TMCC1: variants seen among roughly 807,000 people sequenced by gnomAD.
TMCC1 encodes the protein transmembrane and coiled-coil domain family 1, also known as transmembrane and coiled-coil domains protein 1.
In TMCC1, 15 loss-of-function variants were observed where a neutral mutation model predicts 52.4. The ratio of observed to expected loss-of-function variants is 0.29; its 90% CI spans 0.19 to 0.44. TMCC1 has a LOEUF of 0.44. Among genes scored for constraint, TMCC1 ranks in the 20% least tolerant of loss-of-function variants. TMCC1 has a pLI of 1.00. For synonymous variants in TMCC1, 279 were observed against 301.9 expected, an observed-to-expected ratio of 0.92 and a Z score of 0.79; for missense variants, 503 against 806.0, an observed-to-expected ratio of 0.62 and a Z score of 4.55.
At chr3:129,802,792 A>T (rs1051842762) in intron 4 of TMCC1, among the ~76,000 whole-genome samples, 2 of 152,254 alleles carry the variant, frequency 1.3e-5, no homozygotes, top group African/African-American at 2.4e-5. Flanking sequence ...TTCAGGACAC[A>T]CTATTCCAAT....
intron 2 of TMCC1, among the ~76,000 whole-genome samples, chr3:129,868,590 C>T (rs947591066): frequency 1.3e-5 from 2 of 152,202 alleles, no homozygotes; most frequent in African/African-American, 4.8e-5. Context: ...AGGTGCACAC[C>T]ATCATGCCCA....
intron 1 of TMCC1, among the ~76,000 whole-genome samples, chr3:129,882,272 AAAT>A (rs2061493351): frequency 6.6e-6 from 1 of 152,092 alleles, no homozygotes; most frequent in Admixed American, 6.6e-5. Flanking sequence ...TCAATATCAC[AAAT>A]AATTAGGGAA....
At chr3:129,748,638 A>G (rs1049610018) in intron 4 of TMCC1, among the ~76,000 whole-genome samples, 1 of 152,100 alleles carries the variant, frequency 6.6e-6, no homozygotes, top group African/African-American at 2.4e-5. Context: ...TTTAGGTACA[A>G]CTTCATAAAA....
intron 2 of TMCC1, among the ~76,000 whole-genome samples, chr3:129,844,293 A>T (rs1024221679): frequency 6.6e-6 from 1 of 152,210 alleles, no homozygotes; most frequent in African/African-American, 2.4e-5. Context: ...AGAAGGAATA[A>T]TATTATAGGT....
chr3:129,815,671 C>T (rs1310682673), intron 4 of TMCC1, among the ~76,000 whole-genome samples: 2 of 152,144 alleles, frequency 1.3e-5, no homozygotes, highest in Non-Finnish European at 2.9e-5. Context: ...GGAAATGCTA[C>T]AGGACATTGG....
chr3:129,849,497 G>C (rs947907820), intron 2 of TMCC1, among the ~76,000 whole-genome samples: 4 of 147,032 alleles, frequency 2.7e-5, no homozygotes, highest in African/African-American at 1.0e-4. Context: ...AGGCACGGTG[G>C]CTCACGCCTG....
intron 4 of TMCC1, among the ~76,000 whole-genome samples, chr3:129,816,090 A>G (rs926877399): frequency 6.6e-6 from 1 of 152,176 alleles, no homozygotes; most frequent in East Asian, 1.9e-4. Flanking sequence ...AGGGAATAAC[A>G]TGCTGGGGAG....
At chr3:129,690,486 A>G (rs760430945) in intron 4 of TMCC1, among the ~76,000 whole-genome samples, 6 of 152,188 alleles carry the variant, frequency 3.9e-5, no homozygotes, top group Non-Finnish European at 7.4e-5. Flanking sequence ...GCACTCACTG[A>G]TATTTCCAGT....
At chr3:129,837,581 G>C (rs965428176) in intron 2 of TMCC1, among the ~76,000 whole-genome samples, 2 of 152,168 alleles carry the variant, frequency 1.3e-5, no homozygotes, top group Non-Finnish European at 2.9e-5. Flanking sequence ...ATATACCTCA[G>C]TATCTCCTGT....
At chr3:129,815,921 G>A (rs2058073370) in intron 4 of TMCC1, among the ~76,000 whole-genome samples, 2 of 151,974 alleles carry the variant, frequency 1.3e-5, no homozygotes, top group Non-Finnish European at 2.9e-5. Flanking sequence ...TTTTATAATG[G>A]GCAAAAGATC....
chr3:129,804,992 G>A (rs2057383695), intron 4 of TMCC1, among the ~76,000 whole-genome samples: 1 of 151,976 alleles, frequency 6.6e-6, no homozygotes, highest in Non-Finnish European at 1.5e-5. Context: ...CCACTTTTGT[G>A]AGCCAAAAAC....
chr3:129,785,067 A>G (rs1191307474), intron 4 of TMCC1, among the ~76,000 whole-genome samples: 3 of 152,190 alleles, frequency 2.0e-5, no homozygotes, highest in Admixed American at 2.0e-4. Context: ...AAGTAATCCA[A>G]TACAAATATT....
At chr3:129,688,773 C>T in intron 4 of TMCC1, 1 of 983,172 alleles carries the variant, frequency 1.0e-6, no homozygotes, top group Non-Finnish European at 1.2e-6. Context: ...CAGACAGTAT[C>T]TGCCTCTCTT....
At chr3:129,853,615 T>C (rs180992052) in intron 2 of TMCC1, among the ~76,000 whole-genome samples, 38 of 138,500 alleles carry the variant, frequency 2.7e-4, no homozygotes, top group Non-Finnish European at 4.9e-4. Flanking sequence ...GGCAACAGAG[T>C]GAATATGCAC....
rs5852580 is a variant in TMCC1 at position 129,849,899 on chromosome 3, C to CT, written c.-183-17074dup. Among the ~76,000 whole-genome samples, 434 of 149,774 alleles carry CT rather than the reference C, an allele frequency of 2.9e-3. 2 individuals are homozygous for CT. The highest frequency in any genetic ancestry group is 9.9e-3 in the African/African-American group (402 of 40,436). ...TAATTCAAGATTATAAATTATATTT[C>CT]TTTTTTTTTTTACTTTTTGTGCATA... On this transcript the variant is annotated intron_variant, in intron 2 of 6. Transcript: ENST00000393238.
intron 4 of TMCC1, among the ~76,000 whole-genome samples, chr3:129,805,790 A>G (rs2057427282): frequency 6.6e-6 from 1 of 151,694 alleles, no homozygotes; most frequent in Non-Finnish European, 1.5e-5. Context: ...TAAAAATAAT[A>G]GCTGGGTGTG....
At chr3:129,668,842 C>T (rs2087683329) in intron 5 of TMCC1, among the ~76,000 whole-genome samples, 1 of 152,192 alleles carries the variant, frequency 6.6e-6, no homozygotes, top group Non-Finnish European at 1.5e-5. Flanking sequence ...TCAGGCTGGT[C>T]TCAAGCTTCT....
intron 1 of TMCC1, among the ~76,000 whole-genome samples, chr3:129,882,751 T>TTA (rs1478573009): frequency 6.6e-6 from 1 of 152,200 alleles, no homozygotes; most frequent in East Asian, 1.9e-4. Context: ...GACATTATAT[T>TTA]AAGTGACAGG....
chr3:129,726,868 CAAAAAAAAAAAA>C (rs550398948), intron 4 of TMCC1, among the ~76,000 whole-genome samples: 149 of 12,822 alleles, frequency 0.012, 3 homozygotes, highest in Middle Eastern at 0.12. Flanking sequence ...GACTCTGTCT[CAAAAAAAAAAAA>C]AAAAAAAAAA....
Sources: gnomAD v4.1 joint callset for allele counts (sites outside exome capture counted in the v4.1 genomes callset) on GRCh38, gnomAD v4.1.1 for gene constraint, MANE v1.5 for transcripts, NCBI Gene and HGNC (gene_info 2026-07-23, HGNC 2026-07-21) for gene names.